Variants in NELL2 observed in about 807,000 individuals in gnomAD.
NELL2 encodes the protein neural EGFL like 2.
Under a neutral mutation model 109.6 loss-of-function variants are expected in NELL2, and 41 were observed. The ratio of observed to expected loss-of-function variants is 0.37; its 90% CI spans 0.29 to 0.49. The LOEUF is 0.49. NELL2 is among the 20% of genes least tolerant of loss of function. The pLI is 0.98. For missense variants in NELL2, 900 were observed against 1,008.3 expected, an observed-to-expected ratio of 0.89 and a Z score of 1.45; for synonymous variants, 355 against 344.7, an observed-to-expected ratio of 1.03 and a Z score of -0.33.
At chr12:44,558,533 C>T (rs534137124) in intron 15 of NELL2, among the ~76,000 whole-genome samples, 18 of 152,124 alleles carry the variant, frequency 1.2e-4, no homozygotes, top group East Asian at 5.8e-4. Context: ...GGCTGGTCGG[C>T]GGGAGGGGGT....
intron 1 of NELL2, among the ~76,000 whole-genome samples, chr12:44,902,815 T>C (rs913504529): frequency 6.6e-6 from 1 of 152,142 alleles, no homozygotes; most frequent in Non-Finnish European, 1.5e-5. Flanking sequence ...GGATTCCCTA[T>C]AAAATAAATG....
intron 2 of NELL2, among the ~76,000 whole-genome samples, chr12:44,821,292 AT>A (rs1477921961): frequency 4.6e-5 from 7 of 152,314 alleles, no homozygotes; most frequent in African/African-American, 1.7e-4. Context: ...AGATAGAGGT[AT>A]AATGGGGATG....
intron 15 of NELL2, among the ~76,000 whole-genome samples, chr12:44,586,822 TGTTGCCC>T (rs1944525247): frequency 6.6e-6 from 1 of 152,214 alleles, no homozygotes; most frequent in African/African-American, 2.4e-5. Context: ...AGGGCAACGA[TGTTGCCC>T]AATTTTCTTC....
intron 12 of NELL2, among the ~76,000 whole-genome samples, chr12:44,685,567 CA>C (rs1333865654): frequency 6.6e-6 from 1 of 152,008 alleles, no homozygotes; most frequent in Non-Finnish European, 1.5e-5. Context: ...TGTTCCTTTC[CA>C]ATGTTTAGCG....
intron 13 of NELL2, among the ~76,000 whole-genome samples, chr12:44,629,121 C>G (rs913013387): frequency 6.6e-6 from 1 of 152,060 alleles, no homozygotes; most frequent in Admixed American, 6.5e-5. Flanking sequence ...TTAATTTGAA[C>G]TATGGGTGAG....
At chr12:44,589,646 T>C (rs911434894) in intron 15 of NELL2, among the ~76,000 whole-genome samples, 1 of 152,198 alleles carries the variant, frequency 6.6e-6, no homozygotes, top group African/African-American at 2.4e-5. Context: ...CCCAAAGTGC[T>C]GGGATTACAG....
chr12:44,599,293 A>T (rs1945104956), intron 15 of NELL2, among the ~76,000 whole-genome samples: 1 of 152,178 alleles, frequency 6.6e-6, no homozygotes, highest in South Asian at 2.1e-4. Context: ...CAATAGAGCA[A>T]TGCTGTAAAT....
chr12:44,592,604 G>A (rs1944796804), intron 15 of NELL2, among the ~76,000 whole-genome samples: 1 of 152,176 alleles, frequency 6.6e-6, no homozygotes, highest in Non-Finnish European at 1.5e-5. Flanking sequence ...GGAAAATGGA[G>A]GGCTGTAAGG....
intron 12 of NELL2, among the ~76,000 whole-genome samples, chr12:44,698,927 A>G (rs1192016302): frequency 1.3e-5 from 2 of 152,190 alleles, no homozygotes; most frequent in Non-Finnish European, 2.9e-5. Flanking sequence ...ATCCCCAGCA[A>G]CTATTATGCA....
chr12:44,917,595 C>T (rs1477396980), upstream of NELL2, among the ~76,000 whole-genome samples: 1 of 152,254 alleles, frequency 6.6e-6, no homozygotes, highest in East Asian at 1.9e-4. Context: ...GTATGTGAGG[C>T]CTGTGACTTG....
intron 3 of NELL2, among the ~76,000 whole-genome samples, chr12:44,814,994 T>C (rs1054009967): frequency 1.3e-5 from 2 of 152,208 alleles, no homozygotes; most frequent in Middle Eastern, 3.2e-3. Context: ...GCAGTACTAT[T>C]ATCCTCAATT....
At position 44,532,562 on chromosome 12, in the gene NELL2, G is replaced by A; in HGVS notation, c.1804+19C>T. The A allele has an allele frequency of 6.2e-7, 1 of 1,603,392 alleles. No individual in the cohort carries two copies. Among genetic ancestry groups the A allele is most frequent in the Non-Finnish European group, 8.5e-7 (1 of 1,175,482 alleles). ...TTCAAGAGAAGTTCTTAAATTCTAG[G>A]TCTTCTCCTTGTACTGACCTTCACA... On this transcript the variant is annotated intron_variant, in intron 16 of 19. Transcript: ENST00000429094.
intron 15 of NELL2, among the ~76,000 whole-genome samples, chr12:44,551,031 CA>C (rs551119812): frequency 6.6e-6 from 1 of 151,964 alleles, no homozygotes; most frequent in Non-Finnish European, 1.5e-5. Context: ...TAAACAAGTA[CA>C]AAAAGCAATA....
At chr12:44,608,689 A>G (rs1945495886) in intron 14 of NELL2, among the ~76,000 whole-genome samples, 1 of 151,764 alleles carries the variant, frequency 6.6e-6, no homozygotes, top group Admixed American at 6.6e-5. Context: ...CTACATAGGA[A>G]TTTGTATCAA....
chr12:44,714,803 G>T, intron 9 of NELL2, 62 bp from the exon 10 acceptor site: 1 of 1,067,344 alleles, frequency 9.4e-7, no homozygotes, highest in Non-Finnish European at 1.4e-6. Flanking sequence ...GAAGGGATCA[G>T]ATCATCTTGT....
intron 3 of NELL2, among the ~76,000 whole-genome samples, chr12:44,780,834 C>A (rs540650791): frequency 1.3e-5 from 2 of 152,188 alleles, no homozygotes; most frequent in Admixed American, 6.5e-5. Flanking sequence ...CAACTGTCAA[C>A]AAAGGCAAGT....
intron 13 of NELL2, among the ~76,000 whole-genome samples, chr12:44,620,205 T>C (rs1324441792): frequency 6.7e-6 from 1 of 149,930 alleles, no homozygotes; most frequent in Non-Finnish European, 1.5e-5. Flanking sequence ...GGAAACAAAA[T>C]GTACTCTATT....
intron 3 of NELL2, among the ~76,000 whole-genome samples, chr12:44,783,331 G>A (rs1254828553): frequency 6.6e-6 from 1 of 150,976 alleles, no homozygotes; most frequent in African/African-American, 2.4e-5. Context: ...CAAAGAAAAG[G>A]AAGGGCAAAA....
intron 2 of NELL2, among the ~76,000 whole-genome samples, chr12:44,827,977 A>G (rs1943769354): frequency 6.6e-6 from 1 of 152,046 alleles, no homozygotes; most frequent in South Asian, 2.1e-4. Flanking sequence ...AGCATTTGTT[A>G]TTGCCTGTCT....
Sources: gnomAD v4.1 joint callset for allele counts (sites outside exome capture counted in the v4.1 genomes callset) on GRCh38, gnomAD v4.1.1 for gene constraint, MANE v1.5 for transcripts, NCBI Gene and HGNC (gene_info 2026-07-23, HGNC 2026-07-21) for gene names.